The following STXBP5L variants were observed in gnomAD, a reference collection of about 807,000 sequenced individuals.
STXBP5L encodes the protein syntaxin binding protein 5L.
STXBP5L carries 65 observed loss-of-function variants against 144.5 expected under a neutral mutation model. The ratio of observed to expected loss-of-function variants is 0.45; its 90% CI spans 0.37 to 0.55. The LOEUF (loss-of-function observed/expected upper bound fraction) is 0.55, where lower values mean the gene tolerates loss of function less well. Among genes scored for constraint, STXBP5L ranks in the 20% least tolerant of loss-of-function variants. The pLI, the probability that STXBP5L is intolerant of heterozygous loss-of-function variation, is 0.00. For synonymous variants in STXBP5L, 505 were observed against 469.6 expected (o/e 1.08, Z -0.97); for missense variants, 1,298 against 1,405.5 (o/e 0.92, Z 1.22).
chr3:121,373,560 C>G (rs987138607), intron 20 of STXBP5L, among the ~76,000 whole-genome samples: 4 of 152,176 alleles, frequency 2.6e-5, no homozygotes, highest in African/African-American at 9.7e-5. Flanking sequence ...TGTTGCTATG[C>G]CAGCTGACCC....
chr3:121,009,403 C>T (rs193151843), intron 3 of STXBP5L, among the ~76,000 whole-genome samples: 8 of 152,108 alleles, frequency 5.3e-5, no homozygotes, highest in South Asian at 2.1e-4. Flanking sequence ...TTTATCCTTC[C>T]TCACATTACT....
At chr3:121,236,194 T>C (rs373289445) in intron 12 of STXBP5L, among the ~76,000 whole-genome samples, 1 of 152,174 alleles carries the variant, frequency 6.6e-6, no homozygotes, top group African/African-American at 2.4e-5. Context: ...CTAGTTTACA[T>C]AGGAAATGAT....
intron 2 of STXBP5L, among the ~76,000 whole-genome samples, chr3:120,916,354 G>A (rs1709100436): frequency 6.6e-6 from 1 of 152,040 alleles, no homozygotes; most frequent in East Asian, 1.9e-4. Context: ...AGGCTGGAGT[G>A]CAATGGTGCA....
intron 20 of STXBP5L, among the ~76,000 whole-genome samples, chr3:121,334,279 A>G: frequency 6.6e-6 from 1 of 152,146 alleles, no homozygotes; most frequent in East Asian, 1.9e-4. Context: ...AGAAAAGTCC[A>G]GGTCCAGAAG....
intron 24 of STXBP5L, among the ~76,000 whole-genome samples, chr3:121,414,871 T>C (rs909959236): frequency 6.6e-6 from 1 of 152,122 alleles, no homozygotes; most frequent in Non-Finnish European, 1.5e-5. Context: ...TCAGGAAGCA[T>C]AAGGATGGAG....
At chr3:120,991,769 C>A (rs1406426028) in intron 3 of STXBP5L, among the ~76,000 whole-genome samples, 1 of 149,802 alleles carries the variant, frequency 6.7e-6, no homozygotes, top group Non-Finnish European at 1.5e-5. Context: ...AATGAGAACA[C>A]ATGGACACAG....
At chr3:121,166,748 T>C (rs1368302903) in intron 9 of STXBP5L, among the ~76,000 whole-genome samples, 2 of 152,294 alleles carry the variant, frequency 1.3e-5, no homozygotes, top group African/African-American at 4.8e-5. Context: ...AGGATTAGAT[T>C]GAGGATTTTG....
chr3:121,033,985 T>C (rs1179751935), intron 3 of STXBP5L, among the ~76,000 whole-genome samples: 3 of 152,142 alleles, frequency 2.0e-5, no homozygotes, highest in Non-Finnish European at 2.9e-5. Flanking sequence ...ATTGATTCTA[T>C]GCAAGTCTTT....
At chr3:121,028,217 G>A (rs1946093368) in intron 3 of STXBP5L, among the ~76,000 whole-genome samples, 1 of 152,020 alleles carries the variant, frequency 6.6e-6, no homozygotes, top group African/African-American at 2.4e-5. Context: ...AAGTTTAGAA[G>A]TATTAAGTGG....
chr3:121,296,571 A>C (rs893970212), intron 19 of STXBP5L, among the ~76,000 whole-genome samples: 22 of 152,206 alleles, frequency 1.4e-4, no homozygotes, highest in African/African-American at 5.3e-4. Flanking sequence ...ACATTCAAAG[A>C]AGTCTAATTA....
intron 5 of STXBP5L, among the ~76,000 whole-genome samples, chr3:121,068,127 G>T (rs1358993999): frequency 6.6e-6 from 1 of 152,054 alleles, no homozygotes; most frequent in Non-Finnish European, 1.5e-5. Context: ...CTCCTGCCTC[G>T]GCCTCCCAAG....
rs149473739 is a variant in STXBP5L at position 121,373,208 on chromosome 3, C to G, written c.2177-5508C>G. Among the ~76,000 whole-genome samples, 139 of 152,348 alleles carry G rather than the reference C, an allele frequency of 9.1e-4. 1 individual carries two copies. The highest frequency in any genetic ancestry group is 3.1e-3 in the African/African-American group (130 of 41,584). On this transcript the variant is annotated intron_variant, in intron 20 of 26. Transcript: ENST00000471454. ...GGAGCATAGAAAAGGAAGCAAGGCA[C>G]TCAGTTGGATTGGCTCACACCTAGG...
chr3:121,283,786 G>A (rs764585790), intron 19 of STXBP5L, among the ~76,000 whole-genome samples: 3 of 151,770 alleles, frequency 2.0e-5, no homozygotes, highest in African/African-American at 4.8e-5. Context: ...AAGGATTTCA[G>A]CCAAAACCTT....
chr3:121,390,989 G>T (rs546485254), intron 22 of STXBP5L, among the ~76,000 whole-genome samples: 2 of 152,208 alleles, frequency 1.3e-5, no homozygotes, highest in Non-Finnish European at 2.9e-5. Flanking sequence ...TTCCAACTTG[G>T]TTCCATTCTC....
At chr3:121,175,595 AG>A (rs2046901942) in intron 9 of STXBP5L, among the ~76,000 whole-genome samples, 1 of 152,134 alleles carries the variant, frequency 6.6e-6, no homozygotes, top group African/African-American at 2.4e-5. Flanking sequence ...TTAAGTAAAT[AG>A]TGGAGATGAA....
At chr3:121,066,216 G>C (rs2041535658) in intron 5 of STXBP5L, among the ~76,000 whole-genome samples, 1 of 152,084 alleles carries the variant, frequency 6.6e-6, no homozygotes, top group East Asian at 1.9e-4. Context: ...AAATGGAAAA[G>C]AACAGTGGTT....
chr3:121,159,878 C>T (rs1329021437), intron 9 of STXBP5L, among the ~76,000 whole-genome samples: 1 of 151,998 alleles, frequency 6.6e-6, no homozygotes, highest in Non-Finnish European at 1.5e-5. Context: ...GTGATCCGCC[C>T]GCCTCAGCCT....
rs533580478 is a variant in STXBP5L at position 120,986,436 on chromosome 3, GT to G, written c.287+31403del. 3.1e-3 allele frequency among the ~76,000 whole-genome samples: 465 copies of G among 151,904 alleles called. 5 individuals carry two copies. Among genetic ancestry groups the G allele is most frequent in the African/African-American group, 0.011 (448 of 41,500 alleles). On this transcript the variant is annotated intron_variant, in intron 3 of 26. Transcript: ENST00000471454. ...TTCTCTCTTTATATTCTATCTGGTT[GT>G]TTTATTTAATATTGTGAGTTTGACA... is the stretch of plus-strand genomic sequence containing the variant.
intron 8 of STXBP5L, among the ~76,000 whole-genome samples, chr3:121,156,942 A>C (rs904517573): frequency 6.6e-6 from 1 of 152,040 alleles, no homozygotes; most frequent in African/African-American, 2.4e-5. Flanking sequence ...TTCTCTAACT[A>C]ATCCCCAGTG....
Sources: allele counts gnomAD v4.1 joint callset (sites outside exome capture counted in the v4.1 genomes callset), GRCh38; gene constraint gnomAD v4.1.1; transcripts MANE v1.5; gene names NCBI Gene and HGNC (gene_info 2026-07-23, HGNC 2026-07-21).